The following CECR2 variants were observed in gnomAD, a reference collection of about 807,000 sequenced individuals.
CECR2 encodes the protein CECR2 histone acetyl-lysine reader.
Under a neutral mutation model 154.5 loss-of-function variants are expected in CECR2, and 30 were observed. That is an observed-to-expected ratio of 0.19 (90% CI 0.15 to 0.26). CECR2 has a LOEUF of 0.26. CECR2 is among the 10% of genes least tolerant of loss of function. The probability of loss-of-function intolerance (pLI) is 1.00; values close to 1 mark genes in which losing one functional copy is unlikely to be tolerated. For synonymous variants in CECR2, 725 were observed against 683.7 expected (o/e 1.06, Z -0.94); for missense variants, 1,743 against 1,829.3 (o/e 0.95, Z 0.86).
chr22:17,451,985 A>G (rs1450992684), intron 1 of CECR2, among the ~76,000 whole-genome samples: 2 of 152,238 alleles, frequency 1.3e-5, no homozygotes, highest in East Asian at 3.9e-4. Context: ...GATGTAAGTC[A>G]AGGGAAATAG....
chr22:17,461,299 A>T (rs1398352582), intron 1 of CECR2, among the ~76,000 whole-genome samples: 1 of 152,134 alleles, frequency 6.6e-6, no homozygotes, highest in Non-Finnish European at 1.5e-5. Context: ...GTCTCCTAAA[A>T]CAATGGTGAT....
At chr22:17,414,970 T>A (rs1220772233) in intron 1 of CECR2, among the ~76,000 whole-genome samples, 1 of 152,180 alleles carries the variant, frequency 6.6e-6, no homozygotes, top group African/African-American at 2.4e-5. Context: ...AAAGTGAGAA[T>A]CAATTTTAGA....
intron 1 of CECR2, among the ~76,000 whole-genome samples, chr22:17,375,250 A>G (rs1198263023): frequency 6.6e-6 from 1 of 151,918 alleles, no homozygotes; most frequent in South Asian, 2.1e-4. Flanking sequence ...AGTAGCTGGG[A>G]TTACAGGCAT....
intron 9 of CECR2, among the ~76,000 whole-genome samples, chr22:17,532,382 G>A (rs1601526040): frequency 6.6e-6 from 1 of 152,126 alleles, no homozygotes; most frequent in East Asian, 1.9e-4. Context: ...GCTTCTAGTA[G>A]TTTCAGGCCT....
chr22:17,368,576 C>G (rs1032569695), upstream of CECR2, among the ~76,000 whole-genome samples: 1 of 152,188 alleles, frequency 6.6e-6, no homozygotes, highest in Non-Finnish European at 1.5e-5. Flanking sequence ...CAACACCCTT[C>G]GGCCGTAGCA....
intron 8 of CECR2, among the ~76,000 whole-genome samples, chr22:17,520,379 C>T (rs932696952): frequency 6.6e-6 from 1 of 151,888 alleles, no homozygotes; most frequent in Non-Finnish European, 1.5e-5. Flanking sequence ...ATGAAATCTT[C>T]CCTTTGACAA....
At chr22:17,380,059 GTTTT>G (rs66975267) in intron 1 of CECR2, among the ~76,000 whole-genome samples, 37 of 151,094 alleles carry the variant, frequency 2.4e-4, no homozygotes, top group African/African-American at 8.7e-4. Flanking sequence ...TCTGACCATT[GTTTT>G]TTTTTGTTTT....
rs1491166897 is a variant in CECR2, at chr22:17,549,783, G to GTTTTTTTTTTTTTT, written c.4277+219_4277+220insTTTTTTTTTTTTTT. Among the ~76,000 whole-genome samples the GTTTTTTTTTTTTTT allele has an allele frequency of 2.3e-5, 2 of 88,856 alleles. 1 individual carries two copies. Among genetic ancestry groups the GTTTTTTTTTTTTTT allele is most frequent in the Non-Finnish European group, 4.3e-5 (2 of 46,544 alleles). The allele number at this position is 88,856 out of a possible 152,430, so 58.3% of individuals were successfully genotyped here. On this transcript the variant is annotated intron_variant, in intron 17 of 18. Transcript: ENST00000262608. Reference sequence around the variant, plus strand: ...TGCCACCACACCCAGCTAACTTTTTGGTTTTTTTTTTTTTTTTTTTTTGGT... The same window carrying GTTTTTTTTTTTTTT: ...TGCCACCACACCCAGCTAACTTTTTGTTTTTTTTTTTTTTGTTTTTTTTTTTTTTTTTTTTTGGT...
chr22:17,408,977 A>G (rs1030055905), intron 1 of CECR2, among the ~76,000 whole-genome samples: 3 of 152,152 alleles, frequency 2.0e-5, no homozygotes, highest in African/African-American at 7.2e-5. Flanking sequence ...TTTTCTTTTC[A>G]TAAAGGCTCT....
At chr22:17,421,609 C>G (rs1348079318) in intron 1 of CECR2, among the ~76,000 whole-genome samples, 1 of 64,922 alleles carries the variant, frequency 1.5e-5, no homozygotes, top group Non-Finnish European at 2.6e-5. Context: ...AGCGAGACTC[C>G]GTCTCAAAAA....
chr22:17,477,714 T>C (rs1327224825), intron 2 of CECR2, 32 bp downstream of exon 2: 1 of 1,506,384 alleles, frequency 6.6e-7, no homozygotes, highest in South Asian at 1.1e-5. Context: ...AAGCATTTCT[T>C]GCGCCAAGAA....
rs192715745 is a variant in CECR2, at chr22:17,447,172, C to T, written c.127-30416C>T. On this transcript the variant is annotated intron_variant, in intron 1 of 18. Transcript: ENST00000262608. Reference sequence around the variant, plus strand: ...GCCTCAGCCTCCCGAGTAGCTGGGACTACAGGTGCTGGCCACCATGCCCGG... The same window carrying T: ...GCCTCAGCCTCCCGAGTAGCTGGGATTACAGGTGCTGGCCACCATGCCCGG... Among the ~76,000 whole-genome samples, 315 of 151,574 alleles carry T rather than the reference C, an allele frequency of 2.1e-3. 2 individuals are homozygous for T. The highest frequency in any genetic ancestry group is 7.2e-3 in the African/African-American group (295 of 41,240).
Position 17,500,755 on chromosome 22 carries a change from TG to T in CECR2, c.650+21del. On this transcript the variant is annotated intron_variant, in intron 5 of 18. Transcript: ENST00000262608. ...GTTGAGGTAAGAAAATCTTGTTAGTTGTGGTCATAGACCATGGCAGAAGGGA... is the reference window on the plus strand; with the variant it reads ...GTTGAGGTAAGAAAATCTTGTTAGTTTGGTCATAGACCATGGCAGAAGGGA... The T allele has an allele frequency of 2.7e-6, 4 of 1,502,754 alleles. No individual in the cohort carries two copies. Among genetic ancestry groups the T allele is most frequent in the Non-Finnish European group, 3.6e-6 (4 of 1,106,686 alleles). The allele number at this position is 1,502,754 out of a possible 1,614,324, so 93.1% of individuals were successfully genotyped here. A position where few individuals can be genotyped will look rare whatever the true frequency, so the allele number is the denominator to read the frequency against.
intron 1 of CECR2, among the ~76,000 whole-genome samples, chr22:17,444,918 C>T (rs5746387): frequency 0.28 from 43,229 of 152,022 alleles, 8,517 homozygotes; most frequent in East Asian, 0.54. Flanking sequence ...ATCGCTAAAC[C>T]AAAAAGAATA....
intron 1 of CECR2, among the ~76,000 whole-genome samples, chr22:17,430,122 T>C (rs2054398601): frequency 6.6e-6 from 1 of 152,218 alleles, no homozygotes; most frequent in Non-Finnish European, 1.5e-5. Flanking sequence ...GGAACTTGAT[T>C]CACATCATCC....
At chr22:17,442,884 A>G (rs1328521327) in intron 1 of CECR2, among the ~76,000 whole-genome samples, 2 of 152,330 alleles carry the variant, frequency 1.3e-5, no homozygotes, top group East Asian at 3.9e-4. Context: ...AGGCTTCCCT[A>G]GAATCATTCA....
intron 1 of CECR2, among the ~76,000 whole-genome samples, chr22:17,360,936 G>A (rs1467527687): frequency 6.6e-6 from 1 of 152,106 alleles, no homozygotes; most frequent in East Asian, 1.9e-4. Context: ...GCTGAGGCGG[G>A]TAGATTGCTT....
At chr22:17,445,631 C>T (rs2054650371) in intron 1 of CECR2, among the ~76,000 whole-genome samples, 1 of 150,900 alleles carries the variant, frequency 6.6e-6, no homozygotes, top group South Asian at 2.1e-4. Flanking sequence ...GGCTGGAGTG[C>T]AGTGGTGCAA....
rs141195042 is a variant in CECR2, at chr22:17,433,044, G to T, written c.127-44544G>T. 6.2e-4 allele frequency among the ~76,000 whole-genome samples: 94 copies of T among 152,308 alleles called. No homozygotes were observed. In the East Asian group the frequency reaches 0.015, roughly 24 times the overall value. The stretch of plus-strand genomic sequence containing the variant: ...TCACCGAGCTACATCCCCACCTCGT[G>T]TGTTACATTTCTGGTTGCCTAAGTA... On this transcript the variant is annotated intron_variant, in intron 1 of 18. Coordinates refer to ENST00000262608, the MANE Select transcript of CECR2 (RefSeq NM_001290047.2).
Sources: allele counts gnomAD v4.1 joint callset (sites outside exome capture counted in the v4.1 genomes callset), GRCh38; gene constraint gnomAD v4.1.1; transcripts MANE v1.5; gene names NCBI Gene and HGNC (gene_info 2026-07-23, HGNC 2026-07-21).